Variants in ACSM2A observed in about 807,000 individuals in gnomAD.
ACSM2A encodes the protein acyl-coenzyme A synthetase ACSM2A, mitochondrial.
ACSM2A carries 72 observed loss-of-function variants against 76.6 expected under a neutral mutation model. The observed-to-expected ratio is 0.94, with a 90% CI of 0.78 to 1.14. The LOEUF is 1.14. Among genes scored for constraint, ACSM2A ranks in the 50% most tolerant of loss-of-function variants. The pLI, the probability that ACSM2A is intolerant of heterozygous loss-of-function variation, is 0.00. For synonymous variants in ACSM2A, 249 were observed against 255.9 expected (o/e 0.97, Z 0.26); for missense variants, 684 against 708.5 (o/e 0.97, Z 0.39).
At chr16:20,485,817 T>G (rs1307363683) in intron 13 of ACSM2A, among the ~76,000 whole-genome samples, 2 of 152,200 alleles carry the variant, frequency 1.3e-5, no homozygotes, top group East Asian at 1.9e-4. Flanking sequence ...TAATTTTTAT[T>G]AATTCAAGAC....
intron 4 of ACSM2A, 151 bp downstream of exon 4, chr16:20,469,870 G>GTTTTTTTTTTTTTTTT: frequency 1.7e-6 from 1 of 589,460 alleles, no homozygotes; most frequent in Non-Finnish European, 2.5e-6. Flanking sequence ...TAACACAAGG[G>GTTTTTTTTTTTTTTTT]TATTTTTTTT....
At chr16:20,457,517 G>A (rs1302482348) in intron 1 of ACSM2A, among the ~76,000 whole-genome samples, 14 of 151,944 alleles carry the variant, frequency 9.2e-5, no homozygotes, top group Admixed American at 6.6e-4. Context: ...AACGTACACA[G>A]GTCAATAAAT....
At chr16:20,482,070 G>C (rs530415376) in intron 12 of ACSM2A, 1 of 131,330 alleles carries the variant, frequency 7.6e-6, no homozygotes, top group Admixed American at 7.8e-5. Context: ...GGGGGGCGGA[G>C]TTTGCAGTGA....
intron 2 of ACSM2A, 30 bp from the exon 3 acceptor site, chr16:20,465,487 C>A: frequency 6.2e-7 from 1 of 1,612,042 alleles, no homozygotes; most frequent in South Asian, 1.1e-5. Flanking sequence ...TACCAATGCC[C>A]CCTGATCAAC....
At position 20,459,671 on chromosome 16, in the gene ACSM2A, T is replaced by C. The variant is rs1470479122; in HGVS notation, c.-8-436T>C. On this transcript the variant is annotated intron_variant, in intron 1 of 13. Transcript: ENST00000573854. ...ATCTCGTTGACCAAAGCATATCTCA[T>C]GAGCAAGCCAAAGTCAATGAGAGGT... Among the ~76,000 whole-genome samples, 3 of 152,122 alleles carry C rather than the reference T, an allele frequency of 2.0e-5. No individual in the cohort carries two copies. The East Asian group carries it at 5.8e-4, about 29-fold the overall frequency.
In ACSM2A at chr16:20,471,200, G is replaced by A. The variant is rs200202580; in HGVS notation, c.724G>A (p.Ala242Thr). The A allele has an allele frequency of 9.4e-5, 152 of 1,610,376 alleles. No individual in the cohort carries two copies. The highest frequency in any genetic ancestry group is 1.7e-5 in the Admixed American group (1 of 59,792). ...EHSYSSLGLKAKMDAGWTGLQ... is the reference protein window; with the variant it reads ...EHSYSSLGLKTKMDAGWTGLQ... Reference sequence around the variant, plus strand: ...TTCCTACTCGAGCCTGGGCCTCAAGGCCAAGATGGATGCTGGGTAAGCTGA... The same window carrying A: ...TTCCTACTCGAGCCTGGGCCTCAAGACCAAGATGGATGCTGGGTAAGCTGA... Residue 242 changes from alanine (A) to threonine (T), a missense_variant, in exon 5 of 14, where the codon GCC (alanine) becomes ACC (threonine). This residue lies in a region of ACSM2A where 519 missense variants were observed against 549.5 expected (regional missense o/e 0.94). Transcript: ENST00000573854.
chr16:20,464,184 C>A (rs552667487), intron 2 of ACSM2A, among the ~76,000 whole-genome samples: 86 of 152,306 alleles, frequency 5.6e-4, no homozygotes, highest in Non-Finnish European at 7.8e-4. Context: ...ACGTTCCGAA[C>A]TTTTCCTCAT....
Position 20,487,214 on chromosome 16 carries a change from A to G in ACSM2A, c.*536A>G, listed in dbSNP as rs2014424958. 1 of 152,238 alleles carries G rather than the reference A, an allele frequency of 6.6e-6. No homozygotes were observed. Among genetic ancestry groups the G allele is most frequent in the Admixed American group, 6.5e-5 (1 of 15,288 alleles). The allele number at this position is 152,238 out of a possible 1,614,324, so 9.4% of individuals were successfully genotyped here. A position where few individuals can be genotyped will look rare whatever the true frequency, so the allele number is the denominator to read the frequency against. ...TAAAAATAGTAAAAGAAACTGATAA[A>G]GAAAAGTAATGGAAGACAGGAAGAA... is the stretch of plus-strand genomic sequence containing the variant. On this transcript the variant is annotated 3_prime_UTR_variant, in exon 14 of 14. Coordinates refer to ENST00000573854, the MANE Select transcript of ACSM2A (RefSeq NM_001308172.2).
Position 20,487,026 on chromosome 16 carries a change from G to T in ACSM2A, c.*348G>T, listed in dbSNP as rs139949569. The stretch of plus-strand genomic sequence containing the variant: ...AGAAAGGAAAGAGGAGATGAAAGGG[G>T]GAGAAAAGATAGAAGAAAAATAATT... On this transcript the variant is annotated 3_prime_UTR_variant, in exon 14 of 14. Transcript: ENST00000573854. The T allele has an allele frequency of 2.4e-3, 422 of 176,010 alleles. 3 individuals are homozygous for T. The highest frequency in any genetic ancestry group is 9.9e-3 in the African/African-American group (412 of 41,664). 10.9% of individuals were successfully genotyped at this position (176,010 alleles called of 1,614,324 possible).
intron 1 of ACSM2A, among the ~76,000 whole-genome samples, chr16:20,456,992 A>G (rs1473408996): frequency 6.6e-6 from 1 of 152,002 alleles, no homozygotes; most frequent in Non-Finnish European, 1.5e-5. Flanking sequence ...ACACCACAGA[A>G]ATACAAAAGA....
intron 2 of ACSM2A, among the ~76,000 whole-genome samples, chr16:20,462,847 G>A (rs946241403): frequency 8.6e-5 from 13 of 151,758 alleles, no homozygotes; most frequent in African/African-American, 7.3e-5. Flanking sequence ...CTTAAAATCA[G>A]GGTTTCTGAG....
At position 20,474,882 on chromosome 16, in the gene ACSM2A, T is replaced by C. The variant is rs1175008307; in HGVS notation, c.895-480T>C. ...GTTTTGAAATGTCTATAGATGTCTTTAGCTTTTCAAAGAACTTTTATATCT... is the reference window on the plus strand; with the variant it reads ...GTTTTGAAATGTCTATAGATGTCTTCAGCTTTTCAAAGAACTTTTATATCT... On this transcript the variant is annotated intron_variant, in intron 6 of 13. Transcript: ENST00000573854. Among the ~76,000 whole-genome samples the C allele has an allele frequency of 4.6e-5, 7 of 152,248 alleles. No individual in the cohort carries two copies. In the East Asian group the frequency reaches 1.3e-3, roughly 29 times the overall value.
At chr16:20,458,695 T>G (rs1326900421) in intron 1 of ACSM2A, among the ~76,000 whole-genome samples, 1 of 139,600 alleles carries the variant, frequency 7.2e-6, no homozygotes, top group Non-Finnish European at 1.5e-5. Context: ...TATATCTGTC[T>G]ATATATATAT....
In ACSM2A at chr16:20,460,296, T is replaced by C; in HGVS notation, c.177+5T>C. ...CACTGGGCTGACATGGAGAAGGTAA[T>C]GGGGTGGAAAAGAGGCACAGAGTGA... On this transcript the variant is annotated splice_donor_5th_base_variant and intron_variant, in intron 2 of 13. Coordinates refer to ENST00000573854, the MANE Select transcript of ACSM2A (RefSeq NM_001308172.2). The C allele has an allele frequency of 1.2e-6, 2 of 1,613,550 alleles. No individual in the cohort carries two copies. The highest frequency in any genetic ancestry group is 1.1e-5 in the South Asian group (1 of 91,040).
intron 9 of ACSM2A, among the ~76,000 whole-genome samples, chr16:20,477,888 G>C (rs922295420): frequency 2.0e-5 from 3 of 152,164 alleles, no homozygotes; most frequent in Non-Finnish European, 4.4e-5. Context: ...ATTGGACCAA[G>C]GGATGATGTC....
intron 6 of ACSM2A, among the ~76,000 whole-genome samples, chr16:20,474,742 T>A (rs1401839977): frequency 6.6e-6 from 1 of 152,156 alleles, no homozygotes; most frequent in East Asian, 1.9e-4. Flanking sequence ...ACATCATGGG[T>A]TTCCCCTCTG....
chr16:20,469,692 G>T lies in ACSM2A; in HGVS notation c.569G>T (p.Gly190Val). The T allele has an allele frequency of 2.5e-6, 4 of 1,613,776 alleles. No homozygotes were observed. Among genetic ancestry groups the T allele is most frequent in the Non-Finnish European group, 3.4e-6 (4 of 1,179,782 alleles). Residue 190 changes from glycine to valine, a missense_variant, in exon 4 of 14, where the codon GGG becomes GTG. By Grantham distance (109) the Gly-to-Val change is moderately radical (BLOSUM62 -3). Around this residue, in one of 3 missense-constraint regions of ACSM2A, gnomAD observed 519 missense variants for 549.5 expected, o/e 0.94. Coordinates refer to ENST00000573854, the MANE Select transcript of ACSM2A (RefSeq NM_001308172.2). ...KLLVSEKSCD[G>V]WLNFKKLLNE... ...CTGGTGTCTGAGAAAAGCTGTGATG[G>T]GTGGCTGAACTTCAAGAAACTACTA...
At chr16:20,471,279 G>A (rs2013376896) in intron 5 of ACSM2A, 63 bp downstream of exon 5, 1 of 1,577,896 alleles carries the variant, frequency 6.3e-7, no homozygotes, top group Admixed American at 1.8e-5. Flanking sequence ...AGGAGAATGA[G>A]ACCCAATTAT....
At chr16:20,472,420 A>C (rs1251717353) in intron 6 of ACSM2A, among the ~76,000 whole-genome samples, 1 of 152,128 alleles carries the variant, frequency 6.6e-6, no homozygotes, top group Non-Finnish European at 1.5e-5. Context: ...AAATAAAGGC[A>C]CTCATGCTAT....
Sources: allele counts gnomAD v4.1 joint callset (sites outside exome capture counted in the v4.1 genomes callset), GRCh38; gene constraint gnomAD v4.1.1; regional missense constraint gnomAD v4.1.1; transcripts MANE v1.5; gene names NCBI Gene and HGNC (gene_info 2026-07-23, HGNC 2026-07-21).